Variants in SOS1 observed in about 807,000 individuals in gnomAD.
SOS1 encodes son of sevenless homolog 1.
A neutral mutation model predicts 157.6 loss-of-function variants in SOS1; 25 were observed. The ratio of observed to expected loss-of-function variants is 0.16; its 90% CI spans 0.12 to 0.22. The LOEUF (loss-of-function observed/expected upper bound fraction) is 0.22, where lower values mean the gene tolerates loss of function less well. Among genes scored for constraint, SOS1 ranks in the 10% least tolerant of loss-of-function variants. The probability of loss-of-function intolerance (pLI) is 1.00; values close to 1 mark genes in which losing one functional copy is unlikely to be tolerated. For missense variants in SOS1, 1,237 were observed against 1,599.1 expected (o/e 0.77, Z 3.86); for synonymous variants, 528 against 534.0 (o/e 0.99, Z 0.16).
chr2:39,088,944 A>T (rs1307518948), intron 1 of SOS1, among the ~76,000 whole-genome samples: 2 of 152,250 alleles, frequency 1.3e-5, no homozygotes, highest in African/African-American at 4.8e-5. Flanking sequence ...CACAGTTTCC[A>T]ATTTCTTTAC....
chr2:39,114,055 T>C (rs780439861), intron 1 of SOS1, among the ~76,000 whole-genome samples: 1 of 152,170 alleles, frequency 6.6e-6, no homozygotes, highest in African/African-American at 2.4e-5. Context: ...GACTTTTCTA[T>C]AGCCTGGTAT....
In SOS1 at chr2:39,120,189, G is replaced by C. The variant is rs989535815; in HGVS notation, c.87+147C>G. On this transcript the variant is annotated intron_variant, in intron 1 of 22. Coordinates refer to ENST00000402219, the MANE Select transcript of SOS1 (RefSeq NM_005633.4). Reference sequence around the variant, plus strand: ...AACACCGAGAGCCAGCCGTATGAGGGGGGCCTCTCCGTGTGCGCCGTCCTT... The same window carrying C: ...AACACCGAGAGCCAGCCGTATGAGGCGGGCCTCTCCGTGTGCGCCGTCCTT... The C allele has an allele frequency of 8.0e-6, 5 of 626,512 alleles. No individual in the cohort carries two copies. The Admixed American group carries it at 1.9e-4, about 24-fold the overall frequency. The allele number at this position is 626,512 out of a possible 1,614,324, so 38.8% of individuals were successfully genotyped here.
Position 39,013,629 on chromosome 2 carries a change from T to G in SOS1, c.2064-66A>C, listed in dbSNP as rs1189624072. The G allele has an allele frequency of 7.3e-6, 8 of 1,101,172 alleles. No homozygotes were observed. In the African/African-American group the frequency reaches 1.2e-4, roughly 17 times the overall value. The allele number at this position is 1,101,172 out of a possible 1,614,324, so 68.2% of individuals were successfully genotyped here. ...CATAAATGTTTATCACAATGCACAG[T>G]ACAATACAAATGAAAATGCAGTAAC... On this transcript the variant is annotated intron_variant, in intron 12 of 22. Coordinates refer to ENST00000402219, the MANE Select transcript of SOS1 (RefSeq NM_005633.4).
intron 1 of SOS1, among the ~76,000 whole-genome samples, chr2:39,114,971 C>T (rs1673590209): frequency 2.0e-5 from 3 of 152,118 alleles, no homozygotes; most frequent in Admixed American, 1.3e-4. Context: ...TGACTCCTTG[C>T]TTCTCGGTCT....
chr2:39,102,530 CAAAAAAAAAAA>C (rs70954782), intron 1 of SOS1, among the ~76,000 whole-genome samples: 28 of 50,606 alleles, frequency 5.5e-4, no homozygotes, highest in African/African-American at 2.3e-3. Context: ...GACTCCATCT[CAAAAAAAAAAA>C]AAAAAAAAAA....
At chr2:39,032,086 T>G (rs1670179461) in intron 8 of SOS1, among the ~76,000 whole-genome samples, 2 of 152,244 alleles carry the variant, frequency 1.3e-5, no homozygotes, top group Non-Finnish European at 2.9e-5. Context: ...TAATCTGGAA[T>G]GGCTACATCA....
intron 3 of SOS1, among the ~76,000 whole-genome samples, chr2:39,058,434 T>G (rs186025211): frequency 1.7e-3 from 258 of 152,176 alleles, no homozygotes; most frequent in African/African-American, 5.9e-3. Context: ...AATAACTTTC[T>G]TAGTCCTCTC....
intron 17 of SOS1, among the ~76,000 whole-genome samples, chr2:39,005,276 G>A (rs1465280696): frequency 3.3e-5 from 5 of 152,134 alleles, no homozygotes; most frequent in Admixed American, 2.6e-4. Flanking sequence ...AAGTGAAACC[G>A]TGGAGATGGG....
At position 38,995,185 on chromosome 2, in the gene SOS1, G is replaced by T. The variant is rs755015356; in HGVS notation, c.3284C>A (p.Ala1095Asp). Residue 1095 changes from alanine (A) to aspartate (D), a missense_variant, in exon 20 of 23, where the codon GCT becomes GAT. Ala to Asp is a moderately radical substitution (Grantham distance 126, BLOSUM62 -2). Coordinates refer to ENST00000402219, the MANE Select transcript of SOS1 (RefSeq NM_005633.4). ...TPLTPPPASG[A>D]SSTTDVCSVF... ...ACTGCAAACATCTGTGGTACTGGAA[G>T]CACCAGAAGCAGGCGGAGGTGTTAA... 1 of 1,613,954 alleles carries T rather than the reference G, an allele frequency of 6.2e-7. No individual in the cohort carries two copies.
chr2:39,003,933 T>C (rs545985408), intron 17 of SOS1, among the ~76,000 whole-genome samples: 26 of 152,296 alleles, frequency 1.7e-4, no homozygotes, highest in Admixed American at 6.5e-4. Flanking sequence ...ATCTCTATCC[T>C]CTACCCACTA....
At position 38,986,267 on chromosome 2, in the gene SOS1, G is replaced by A; in HGVS notation, c.3559C>T (p.Pro1187Ser). 1 of 1,613,600 alleles carries A rather than the reference G, an allele frequency of 6.2e-7. No individual in the cohort carries two copies. Among genetic ancestry groups the A allele is most frequent in the Non-Finnish European group, 8.5e-7 (1 of 1,179,742 alleles). Reference protein sequence around the residue: ...DSPPAIPPRQPTSKAYSPRYS... With the variant: ...DSPPAIPPRQSTSKAYSPRYS... ...CGTGGTGAATAGGCTTTTGATGTGG[G>A]TTGCCTAGGAGGAATGGCTGGGGGA... The change falls in exon 23 of 23, where the codon CCC (proline) becomes TCC (serine). Residue 1187 changes from proline (P) to serine (S), a missense_variant. Physicochemically the swap from Pro to Ser is moderately conservative, Grantham distance 74 (BLOSUM62 -1). Coordinates refer to ENST00000402219, the MANE Select transcript of SOS1 (RefSeq NM_005633.4).
At chr2:39,034,851 A>G (rs984584985) in intron 8 of SOS1, 25 of 460,366 alleles carry the variant, frequency 5.4e-5, no homozygotes, top group Non-Finnish European at 2.6e-5. Context: ...GAGGTCCCCA[A>G]ATGGAAACTG....
At chr2:39,049,625 T>C (rs186383116) in intron 6 of SOS1, among the ~76,000 whole-genome samples, 11 of 152,342 alleles carry the variant, frequency 7.2e-5, no homozygotes, top group Admixed American at 5.9e-4. Flanking sequence ...CCTTGTTTTT[T>C]GGAATTCTGT....
chr2:39,074,141 C>T (rs572498942), intron 1 of SOS1, among the ~76,000 whole-genome samples: 5 of 151,594 alleles, frequency 3.3e-5, no homozygotes, highest in South Asian at 2.1e-4. Flanking sequence ...CCTGAGATCA[C>T]GAGTTTGAGA....
intron 8 of SOS1, 142 bp downstream of exon 8, chr2:39,035,070 T>C: frequency 3.0e-6 from 2 of 670,552 alleles, no homozygotes; most frequent in Non-Finnish European, 5.4e-6. Context: ...TGCAGACTGA[T>C]TTCCATTTGC....
chr2:39,066,640 A>G (rs974563924), intron 2 of SOS1, among the ~76,000 whole-genome samples: 1 of 152,158 alleles, frequency 6.6e-6, no homozygotes, highest in African/African-American at 2.4e-5. Flanking sequence ...TACTGACTAC[A>G]TATCTCTCTG....
Position 39,067,606 on chromosome 2 carries a change from TACAAGA to T in SOS1, c.213+16_213+21del. 6.2e-7 allele frequency: 1 copy of T among 1,608,148 alleles called. No individual in the cohort carries two copies. The highest frequency in any genetic ancestry group is 8.5e-7 in the Non-Finnish European group (1 of 1,174,782). On this transcript the variant is annotated intron_variant, in intron 2 of 22. Coordinates refer to ENST00000402219, the MANE Select transcript of SOS1 (RefSeq NM_005633.4). ...ACACACAAATTAGATATAAAGTAAA[TACAAGA>T]CAACATTTGTCATACCTCTACATCT... is the stretch of plus-strand genomic sequence containing the variant.
intron 10 of SOS1, among the ~76,000 whole-genome samples, chr2:39,022,286 C>T (rs548551500): frequency 1.8e-4 from 28 of 151,890 alleles, no homozygotes; most frequent in South Asian, 1.0e-3. Flanking sequence ...TGATGATTTA[C>T]TACTAACTTT....
At chr2:39,094,239 T>TG (rs1431789113) in intron 1 of SOS1, among the ~76,000 whole-genome samples, 1 of 152,174 alleles carries the variant, frequency 6.6e-6, no homozygotes, top group Admixed American at 6.5e-5. Flanking sequence ...TAAAATGTAA[T>TG]GGGTTCATTA....
Sources: allele counts gnomAD v4.1 joint callset (sites outside exome capture counted in the v4.1 genomes callset), GRCh38; gene constraint gnomAD v4.1.1; transcripts MANE v1.5; gene names NCBI Gene and HGNC (gene_info 2026-07-23, HGNC 2026-07-21).